CCDC60: variants seen among roughly 807,000 people sequenced by gnomAD.
The protein encoded by CCDC60 is coiled-coil domain containing 60.
A neutral mutation model predicts 63.5 loss-of-function variants in CCDC60; 54 were observed. That is an observed-to-expected ratio of 0.85 (90% CI 0.68 to 1.07). The LOEUF (loss-of-function observed/expected upper bound fraction) is 1.07. CCDC60 is among the 50% of genes least tolerant of loss of function. The pLI, the probability that CCDC60 is intolerant of heterozygous loss-of-function variation, is 0.00. For synonymous variants in CCDC60, 206 were observed against 238.8 expected, an observed-to-expected ratio of 0.86 and a Z score of 1.27; for missense variants, 651 against 684.3, an observed-to-expected ratio of 0.95 and a Z score of 0.54.
At chr12:119,466,892 A>T (rs1426806768) in intron 2 of CCDC60, among the ~76,000 whole-genome samples, 1 of 150,828 alleles carries the variant, frequency 6.6e-6, no homozygotes, top group East Asian at 1.9e-4. Flanking sequence ...GAACTAGCTA[A>T]AACAGGGACA....
At chr12:119,416,590 T>C (rs1290678561) in intron 1 of CCDC60, among the ~76,000 whole-genome samples, 2 of 152,038 alleles carry the variant, frequency 1.3e-5, no homozygotes, top group East Asian at 3.9e-4. Flanking sequence ...GGGAAAAAAA[T>C]CCCTGCTGAT....
At chr12:119,489,008 T>A in intron 5 of CCDC60, 142 bp downstream of exon 5, 1 of 694,366 alleles carries the variant, frequency 1.4e-6, no homozygotes, top group Non-Finnish European at 2.6e-6. Flanking sequence ...CTGTGGGATC[T>A]GAACAGGGGA....
intron 2 of CCDC60, among the ~76,000 whole-genome samples, chr12:119,462,846 C>G (rs925243529): frequency 3.4e-5 from 5 of 146,840 alleles, no homozygotes; most frequent in African/African-American, 1.2e-4. Context: ...ATTTTTGAGA[C>G]AGAGTCTTGC....
chr12:119,499,244 C>CCTATCTGGAT (rs1951788387), intron 5 of CCDC60, among the ~76,000 whole-genome samples: 1 of 152,178 alleles, frequency 6.6e-6, no homozygotes, highest in Non-Finnish European at 1.5e-5. Flanking sequence ...TACTGGGCTT[C>CCTATCTGGAT]AGTCTCCTAT....
intron 1 of CCDC60, among the ~76,000 whole-genome samples, chr12:119,398,121 T>TGGGGGGGGGGGAAGGGGG (rs1956314382): frequency 6.3e-5 from 1 of 15,972 alleles, no homozygotes; most frequent in African/African-American, 2.9e-4. Flanking sequence ...GAGGAAGGGG[T>TGGGGGGGGGGGAAGGGGG]GGCAGAGGGG....
At chr12:119,338,669 A>C (rs1001700708) in intron 1 of CCDC60, among the ~76,000 whole-genome samples, 10 of 152,224 alleles carry the variant, frequency 6.6e-5, no homozygotes, top group African/African-American at 1.7e-4. Flanking sequence ...AGACACAATC[A>C]TTGGCTTCAA....
At chr12:119,471,908 CTT>C (rs869286089) in intron 2 of CCDC60, 84 bp from the exon 3 acceptor site, 33 of 1,138,382 alleles carry the variant, frequency 2.9e-5, no homozygotes, top group Middle Eastern at 4.1e-4. Context: ...TCCTCTCTCT[CTT>C]TCTTTCTCTC....
At chr12:119,391,586 T>G (rs1956159810) in intron 1 of CCDC60, among the ~76,000 whole-genome samples, 2 of 152,212 alleles carry the variant, frequency 1.3e-5, no homozygotes, top group Admixed American at 6.5e-5. Flanking sequence ...AGGGTTGTTG[T>G]GAATGTCAAA....
chr12:119,338,415 C>A (rs1193675082), intron 1 of CCDC60, among the ~76,000 whole-genome samples: 1 of 152,112 alleles, frequency 6.6e-6, no homozygotes, highest in Non-Finnish European at 1.5e-5. Context: ...ATTTTCAGAA[C>A]CTTCTACAAT....
At chr12:119,506,296 C>A (rs570236174) in intron 7 of CCDC60, among the ~76,000 whole-genome samples, 1 of 152,094 alleles carries the variant, frequency 6.6e-6, no homozygotes, top group South Asian at 2.1e-4. Context: ...ATGAGGGAGA[C>A]AAGTCCCTTA....
At position 119,410,182 on chromosome 12, in the gene CCDC60, AGT is replaced by A. The variant is rs56384600; in HGVS notation, c.91-18484_91-18483del. 2.3e-4 allele frequency among the ~76,000 whole-genome samples: 34 copies of A among 149,554 alleles called. No individual in the cohort carries two copies. The highest frequency in any genetic ancestry group is 7.9e-4 in the East Asian group (4 of 5,044). On this transcript the variant is annotated intron_variant, in intron 1 of 13. Transcript: ENST00000327554. This position sits in a 1 kb window ranked among gnomAD's most constrained non-coding sequence, Gnocchi z 4.0. ...AAAGGTAGATGCTAGTGTTGGAAAG[AGT>A]GTGTGTGTGTGTGTGTCTGTGTGTG... is the stretch of plus-strand genomic sequence containing the variant.
chr12:119,479,254 C>T (rs1237317800), intron 4 of CCDC60, 53 bp downstream of exon 4: 7 of 1,309,590 alleles, frequency 5.3e-6, no homozygotes, highest in African/African-American at 2.9e-5. Context: ...AAATTGAAGC[C>T]GAACTGAAAT....
chr12:119,531,410 A>C (rs759474021), intron 13 of CCDC60, among the ~76,000 whole-genome samples: 1 of 152,200 alleles, frequency 6.6e-6, no homozygotes, highest in Non-Finnish European at 1.5e-5. Flanking sequence ...TGCAGGTTTC[A>C]AGTCAATCTG....
intron 8 of CCDC60, among the ~76,000 whole-genome samples, chr12:119,519,574 C>A (rs533875998): frequency 1.3e-5 from 2 of 150,922 alleles, no homozygotes; most frequent in Non-Finnish European, 3.0e-5. Flanking sequence ...GCGATTCTTC[C>A]ACCTCAGCCT....
chr12:119,419,457 T>A (rs564817082), intron 1 of CCDC60, among the ~76,000 whole-genome samples: 37 of 152,220 alleles, frequency 2.4e-4, no homozygotes, highest in South Asian at 1.5e-3. Context: ...CTGATAAGAG[T>A]TTGTCCTGTC....
intron 4 of CCDC60, among the ~76,000 whole-genome samples, chr12:119,482,103 TATATAC>T (rs1951339801): frequency 2.1e-5 from 3 of 141,276 alleles, no homozygotes; most frequent in African/African-American, 7.7e-5. Flanking sequence ...TATATACACA[TATATAC>T]ACACATATAT....
At chr12:119,415,882 A>G (rs1374625519) in intron 1 of CCDC60, among the ~76,000 whole-genome samples, 1 of 152,194 alleles carries the variant, frequency 6.6e-6, no homozygotes, top group African/African-American at 2.4e-5. Flanking sequence ...TAAAACTGTA[A>G]TATACAAAAG....
At chr12:119,361,457 A>T (rs992134342) in intron 1 of CCDC60, among the ~76,000 whole-genome samples, 4 of 152,072 alleles carry the variant, frequency 2.6e-5, no homozygotes, top group African/African-American at 9.7e-5. Flanking sequence ...CTCTTTATTG[A>T]GTGTCAAAAT....
intron 1 of CCDC60, among the ~76,000 whole-genome samples, chr12:119,387,175 G>A (rs1448190827): frequency 2.0e-5 from 3 of 152,026 alleles, no homozygotes; most frequent in Non-Finnish European, 4.4e-5. Context: ...TACTTGACAA[G>A]TAGCTTTTGA....
Sources: allele counts gnomAD v4.1 joint callset (sites outside exome capture counted in the v4.1 genomes callset), GRCh38; gene constraint gnomAD v4.1.1; non-coding constraint Gnocchi (gnomAD v3.1); transcripts MANE v1.5; gene names NCBI Gene and HGNC (gene_info 2026-07-23, HGNC 2026-07-21).